NOX4: variants seen among roughly 807,000 people sequenced by gnomAD.
NOX4 encodes kidney oxidase-1.
Under a neutral mutation model 87.6 loss-of-function variants are expected in NOX4, and 69 were observed. That is an observed-to-expected ratio of 0.79 (90% CI 0.65 to 0.96). The LOEUF (loss-of-function observed/expected upper bound fraction) is 0.96, where lower values mean the gene tolerates loss of function less well. Among genes scored for constraint, NOX4 ranks in the 40% least tolerant of loss-of-function variants. The probability of loss-of-function intolerance (pLI) is 0.00; values close to 1 mark genes in which losing one functional copy is unlikely to be tolerated. For synonymous variants in NOX4, 275 were observed against 238.2 expected (o/e 1.15, Z -1.42); for missense variants, 680 against 681.5 (o/e 1.00, Z 0.02).
intron 2 of NOX4, among the ~76,000 whole-genome samples, chr11:89,487,229 A>G (rs986350267): frequency 1.3e-5 from 2 of 152,182 alleles, no homozygotes; most frequent in African/African-American, 2.4e-5. Flanking sequence ...TCCTCAGCCC[A>G]TATTTCCTTG....
chr11:89,438,247 ATAT>A (rs1347416000), intron 6 of NOX4, among the ~76,000 whole-genome samples: 26 of 139,208 alleles, frequency 1.9e-4, no homozygotes, highest in Admixed American at 5.6e-4. Context: ...ACATAGTAAT[ATAT>A]TATTATTATA....
chr11:89,579,052 G>T, the NOX4 span, among the ~76,000 whole-genome samples: 3 of 152,284 alleles, frequency 2.0e-5, no homozygotes, highest in African/African-American at 7.2e-5. Flanking sequence ...AAGCCAATCT[G>T]AAAAAGCTGC....
chr11:89,445,568 T>A (rs1326543699), intron 4 of NOX4, among the ~76,000 whole-genome samples: 1 of 152,072 alleles, frequency 6.6e-6, no homozygotes, highest in Admixed American at 6.6e-5. Flanking sequence ...ACGCCCACAT[T>A]AATACAGTCA....
Position 89,421,912 on chromosome 11 carries a change from G to A in NOX4, c.619C>T (p.His207Tyr), listed in dbSNP as rs1321638608. 3 of 1,565,714 alleles carry A rather than the reference G, an allele frequency of 1.9e-6. No homozygotes were observed. Among genetic ancestry groups the A allele is most frequent in the South Asian group, 1.2e-5 (1 of 83,448 alleles). Residue 207 changes from histidine to tyrosine, a missense_variant, in exon 8 of 18, where the codon CAT becomes TAT. Coordinates refer to ENST00000263317, the MANE Select transcript of NOX4 (RefSeq NM_016931.5). ...FFVFYMLLTL[H>Y]VSGGLLKYQT... is the part of the protein sequence containing the mutation. ...CATTTGTAAACTTACCCTGAAACAT[G>A]CAACGTCAGCAGCATGTAGAAGACA...
chr11:89,435,566 C>CA (rs1186469515), intron 6 of NOX4, among the ~76,000 whole-genome samples: 1 of 151,964 alleles, frequency 6.6e-6, no homozygotes, highest in African/African-American at 2.4e-5. Context: ...GTATTAAATT[C>CA]AAGAAACCTG....
intron 6 of NOX4, among the ~76,000 whole-genome samples, chr11:89,436,251 C>T (rs920900425): frequency 7.9e-5 from 12 of 152,152 alleles, no homozygotes; most frequent in Non-Finnish European, 1.5e-4. Context: ...GTAAAGAGAG[C>T]TAAGCACTGA....
At chr11:89,383,823 G>T (rs755135904) in intron 11 of NOX4, among the ~76,000 whole-genome samples, 1 of 151,950 alleles carries the variant, frequency 6.6e-6, no homozygotes, top group Non-Finnish European at 1.5e-5. Context: ...CTTTTCTCCA[G>T]TTCAAAGCCT....
At chr11:89,475,405 GATA>G (rs1414785574) in intron 2 of NOX4, among the ~76,000 whole-genome samples, 1 of 151,944 alleles carries the variant, frequency 6.6e-6, no homozygotes, top group Non-Finnish European at 1.5e-5. Context: ...TTCAAATATT[GATA>G]ATATTTAAAA....
chr11:89,490,691 T>A lies in NOX4; in HGVS notation c.58-138A>T, dbSNP rs540370150. 155 of 728,390 alleles carry A rather than the reference T, an allele frequency of 2.1e-4. No individual in the cohort carries two copies. In the African/African-American group the frequency reaches 2.5e-3, roughly 12 times the overall value. The allele number at this position is 728,390 out of a possible 1,614,324, so 45.1% of individuals were successfully genotyped here. On this transcript the variant is annotated intron_variant, in intron 1 of 17. Transcript: ENST00000263317. Reference sequence around the variant, plus strand: ...CAGTAACTGCAGAAAGCATTTTCAATTAACCAGCAAGCTGAAAACCACTCA... The same window carrying A: ...CAGTAACTGCAGAAAGCATTTTCAAATAACCAGCAAGCTGAAAACCACTCA...
At chr11:89,539,099 C>T in the NOX4 span, among the ~76,000 whole-genome samples, 1 of 152,106 alleles carries the variant, frequency 6.6e-6, no homozygotes, top group Non-Finnish European at 1.5e-5. Context: ...GCGCCTGACA[C>T]ATTGATCTTG....
chr11:89,490,420 AC>A, intron 2 of NOX4, 37 bp downstream of exon 2: 4 of 1,392,098 alleles, frequency 2.9e-6, no homozygotes, highest in Non-Finnish European at 4.1e-6. Flanking sequence ...CCAGTGTTAA[AC>A]CCATTCCACC....
Position 89,486,225 on chromosome 11 carries a change from A to T in NOX4, c.153+4233T>A, listed in dbSNP as rs183393693. On this transcript the variant is annotated intron_variant, in intron 2 of 17. Transcript: ENST00000263317. ...TCAGAAAACTCAGAAGATGAGACAG[A>T]AGTCAGGGAGATTTTTATAGTTCTA... Among the ~76,000 whole-genome samples the T allele has an allele frequency of 6.7e-3, 902 of 134,320 alleles. 8 individuals are homozygous for T. Among genetic ancestry groups the T allele is most frequent in the African/African-American group, 0.022 (858 of 39,838 alleles). 88.1% of individuals were successfully genotyped at this position (134,320 alleles called of 152,430 possible). A position where few individuals can be genotyped will look rare whatever the true frequency, so the allele number is the denominator to read the frequency against.
At chr11:89,540,564 G>C in the NOX4 span, among the ~76,000 whole-genome samples, 2 of 151,714 alleles carry the variant, frequency 1.3e-5, no homozygotes, top group Non-Finnish European at 2.9e-5. Context: ...GAGATGGGTG[G>C]ACCACGAGGT....
intron 6 of NOX4, among the ~76,000 whole-genome samples, chr11:89,438,287 CA>C (rs1944186627): frequency 7.8e-6 from 1 of 128,924 alleles, no homozygotes; most frequent in Non-Finnish European, 1.6e-5. Context: ...ATATATACTA[CA>C]TATAAAATAT....
intron 12 of NOX4, among the ~76,000 whole-genome samples, chr11:89,360,046 C>T (rs1476286666): frequency 6.6e-6 from 1 of 151,848 alleles, no homozygotes; most frequent in Non-Finnish European, 1.5e-5. Context: ...GTTTTAAGAA[C>T]ACCTAGTATA....
Position 89,369,701 on chromosome 11 carries a change from A to T in NOX4, c.1135+3731T>A, listed in dbSNP as rs923820919. 2.6e-5 allele frequency among the ~76,000 whole-genome samples: 4 copies of T among 151,976 alleles called. No homozygotes were observed. In the South Asian group the frequency reaches 8.3e-4, roughly 32 times the overall value. ...ACATTGTATGAATATGAATTATGTA[A>T]AATCTGTGAGATTCCATATATCCAA... is the stretch of plus-strand genomic sequence containing the variant. On this transcript the variant is annotated intron_variant, in intron 12 of 17. Transcript: ENST00000263317.
At chr11:89,554,326 A>G in the NOX4 span, among the ~76,000 whole-genome samples, 2 of 152,028 alleles carry the variant, frequency 1.3e-5, no homozygotes, top group Admixed American at 1.3e-4. Flanking sequence ...ACCTTCACAT[A>G]TGTATTTTTG....
the NOX4 span, among the ~76,000 whole-genome samples, chr11:89,537,030 A>T: frequency 6.6e-6 from 1 of 152,338 alleles, no homozygotes; most frequent in East Asian, 1.9e-4. Flanking sequence ...TTCTGAAAGT[A>T]ACAATCTAAA....
At chr11:89,494,686 G>A (rs1946928903), upstream of NOX4, among the ~76,000 whole-genome samples, 1 of 152,150 alleles carries the variant, frequency 6.6e-6, no homozygotes, top group Non-Finnish European at 1.5e-5. Context: ...TTTCTGCTCA[G>A]CTTGACAATT....
Sources: allele counts gnomAD v4.1 joint callset (sites outside exome capture counted in the v4.1 genomes callset), GRCh38; gene constraint gnomAD v4.1.1; transcripts MANE v1.5; gene names NCBI Gene and HGNC (gene_info 2026-07-23, HGNC 2026-07-21).